SNAP91: variants seen among roughly 807,000 people sequenced by gnomAD.
SNAP91 encodes the protein clathrin coat assembly protein AP180.
A neutral mutation model predicts 100.3 loss-of-function variants in SNAP91; 27 were observed. That is an observed-to-expected ratio of 0.27 (90% CI 0.20 to 0.37). The LOEUF (loss-of-function observed/expected upper bound fraction) is 0.37. SNAP91 is among the 10% of genes least tolerant of loss of function. SNAP91 has a pLI of 1.00. For synonymous variants in SNAP91, 404 were observed against 398.6 expected (o/e 1.01, Z -0.16); for missense variants, 986 against 1,123.7 (o/e 0.88, Z 1.75).
At chr6:83,585,383 AG>A (rs2092295005) in intron 22 of SNAP91, among the ~76,000 whole-genome samples, 1 of 152,034 alleles carries the variant, frequency 6.6e-6, no homozygotes, top group African/African-American at 2.4e-5. Context: ...TAAATTAGCC[AG>A]GGGGCATGAT....
intron 8 of SNAP91, among the ~76,000 whole-genome samples, chr6:83,631,041 A>G (rs1226503937): frequency 1.3e-5 from 2 of 152,006 alleles, no homozygotes; most frequent in East Asian, 1.9e-4. Flanking sequence ...AGGTTGTGTC[A>G]CTACTGTCAT....
intron 2 of SNAP91, among the ~76,000 whole-genome samples, chr6:83,668,224 T>A (rs1398061231): frequency 6.6e-6 from 1 of 152,160 alleles, no homozygotes; most frequent in African/African-American, 2.4e-5. Flanking sequence ...ACTTTTACAC[T>A]GTTGATGGGA....
chr6:83,696,023 C>T (rs1292093402), intron 2 of SNAP91, among the ~76,000 whole-genome samples: 1 of 152,116 alleles, frequency 6.6e-6, no homozygotes, highest in Non-Finnish European at 1.5e-5. Flanking sequence ...GCACAGTCTC[C>T]AATCAGCCTC....
intron 9 of SNAP91, among the ~76,000 whole-genome samples, chr6:83,622,473 T>C (rs550458282): frequency 2.6e-4 from 40 of 152,190 alleles, no homozygotes; most frequent in Non-Finnish European, 5.0e-4. Context: ...ATAATGACTA[T>C]ATTTACAAGG....
intron 3 of SNAP91, among the ~76,000 whole-genome samples, chr6:83,663,676 T>C (rs1214515131): frequency 1.3e-5 from 2 of 152,024 alleles, no homozygotes; most frequent in African/African-American, 4.8e-5. Context: ...ATCTCCACAA[T>C]ATAAAAGTAC....
At chr6:83,568,508 T>C (rs1244209570) in intron 26 of SNAP91, among the ~76,000 whole-genome samples, 3 of 143,388 alleles carry the variant, frequency 2.1e-5, no homozygotes, top group Admixed American at 7.1e-5. Context: ...ATAATAATAA[T>C]AACTTAATAG....
intron 10 of SNAP91, among the ~76,000 whole-genome samples, chr6:83,615,777 GA>G (rs1256683313): frequency 6.6e-6 from 1 of 151,948 alleles, no homozygotes; most frequent in Non-Finnish European, 1.5e-5. Flanking sequence ...CACAGCTAAT[GA>G]AATAACCAGA....
In SNAP91 at chr6:83,611,702, C is replaced by CT. The variant is rs879325346; in HGVS notation, c.885-1026dup. ...TATTATATGCCAAGTTAATATCTTTCTTTTTTTTTTTTGAGACGGAGTCTC... is the reference window on the plus strand; with the variant it reads ...TATTATATGCCAAGTTAATATCTTTCTTTTTTTTTTTTTGAGACGGAGTCTC... On this transcript the variant is annotated intron_variant, in intron 11 of 29. Coordinates refer to ENST00000369694, the MANE Select transcript of SNAP91 (RefSeq NM_001242792.2). 7.0e-4 allele frequency among the ~76,000 whole-genome samples: 101 copies of CT among 144,116 alleles called. 1 individual carries two copies. Among genetic ancestry groups the CT allele is most frequent in the East Asian group, 8.0e-4 (4 of 4,984 alleles). 94.5% of individuals were successfully genotyped at this position (144,116 alleles called of 152,430 possible).
chr6:83,558,462 A>C (rs967440342), intron 28 of SNAP91, among the ~76,000 whole-genome samples: 12 of 152,258 alleles, frequency 7.9e-5, no homozygotes, highest in Non-Finnish European at 1.5e-4. Flanking sequence ...AGTTATGGCC[A>C]GTAATGGCCA....
chr6:83,600,343 C>T (rs2095036426), intron 16 of SNAP91, among the ~76,000 whole-genome samples: 1 of 152,162 alleles, frequency 6.6e-6, no homozygotes, highest in Admixed American at 6.5e-5. Flanking sequence ...ATTGATTACA[C>T]CAAAGCCTGC....
chr6:83,673,292 G>C (rs370257832), intron 2 of SNAP91, among the ~76,000 whole-genome samples: 15 of 152,236 alleles, frequency 9.9e-5, no homozygotes, highest in African/African-American at 3.6e-4. Context: ...TATGTCATGA[G>C]AGTAGAGGCC....
chr6:83,653,173 T>G (rs1394995676), intron 7 of SNAP91, among the ~76,000 whole-genome samples: 1 of 152,160 alleles, frequency 6.6e-6, no homozygotes, highest in Non-Finnish European at 1.5e-5. Flanking sequence ...TTTCAAATAT[T>G]TTGTCCCTTT....
chr6:83,632,476 A>C (rs2097249726), intron 8 of SNAP91, among the ~76,000 whole-genome samples: 1 of 152,130 alleles, frequency 6.6e-6, no homozygotes. Context: ...TATTCCCCCA[A>C]ATATATTTTC....
At position 83,594,478 on chromosome 6, in the gene SNAP91, G is replaced by C; in HGVS notation, c.1328C>G (p.Ala443Gly). Residue 443 changes from alanine (A) to glycine (G), a missense_variant, in exon 17 of 30, where the codon GCC becomes GGC. By Grantham distance (60) the Ala-to-Gly change is moderately conservative (BLOSUM62 0). Coordinates refer to ENST00000369694, the MANE Select transcript of SNAP91 (RefSeq NM_001242792.2). ...VTAEVDLFGD[A>G]FAASPGEAPA... Reference sequence around the variant, plus strand: ...GGCCTCCCCAGGAGAAGCTGCAAAGGCATCTTGGGTGCGGTTTTTAAAACA... The same window carrying C: ...GGCCTCCCCAGGAGAAGCTGCAAAGCCATCTTGGGTGCGGTTTTTAAAACA... 6.7e-7 allele frequency: 1 copy of C among 1,501,286 alleles called. No individual in the cohort carries two copies. Among genetic ancestry groups the C allele is most frequent in the Non-Finnish European group, 8.9e-7 (1 of 1,128,290 alleles). The allele number at this position is 1,501,286 out of a possible 1,614,324, so 93.0% of individuals were successfully genotyped here.
chr6:83,569,806 C>T (rs1388313483), intron 26 of SNAP91, among the ~76,000 whole-genome samples: 1 of 152,162 alleles, frequency 6.6e-6, no homozygotes, highest in East Asian at 1.9e-4. Flanking sequence ...CAAACAAGCG[C>T]TCTCTTTGCC....
intron 18 of SNAP91, 94 bp from the exon 19 acceptor site, chr6:83,593,353 C>G: frequency 6.6e-7 from 1 of 1,514,440 alleles, no homozygotes; most frequent in Admixed American, 2.0e-5. Flanking sequence ...TTGAAGAACT[C>G]TGAATTAAGC....
chr6:83,579,112 T>C (rs1824196244), intron 24 of SNAP91, among the ~76,000 whole-genome samples: 1 of 152,226 alleles, frequency 6.6e-6, no homozygotes, highest in Non-Finnish European at 1.5e-5. Flanking sequence ...CTTATTCCAG[T>C]ACCATTTGTC....
chr6:83,559,573 A>T (rs1783947872), intron 28 of SNAP91, among the ~76,000 whole-genome samples: 1 of 151,946 alleles, frequency 6.6e-6, no homozygotes, highest in Non-Finnish European at 1.5e-5. Flanking sequence ...CCATGGAAAA[A>T]CCTCGAATTT....
In SNAP91 at chr6:83,592,439, G is replaced by A. The variant is rs1042850000; in HGVS notation, c.1930+16C>T. On this transcript the variant is annotated intron_variant, in intron 21 of 29. Transcript: ENST00000369694. ...AAAAAAGATTCCTTAAGTGTTGATG[G>A]AGGAGAAATACGCACCCCCAAAAAG... The A allele has an allele frequency of 8.3e-6, 13 of 1,574,390 alleles. No homozygotes were observed. Among genetic ancestry groups the A allele is most frequent in the African/African-American group, 8.1e-5 (6 of 74,158 alleles).
Sources: allele counts gnomAD v4.1 joint callset (sites outside exome capture counted in the v4.1 genomes callset), GRCh38; gene constraint gnomAD v4.1.1; transcripts MANE v1.5; gene names NCBI Gene and HGNC (gene_info 2026-07-23, HGNC 2026-07-21).